Variants in MYOZ1 observed in about 807,000 individuals in gnomAD.
MYOZ1 encodes myozenin 1, also known as myozenin-1.
MYOZ1 carries 20 observed loss-of-function variants against 28.7 expected under a neutral mutation model. The observed-to-expected ratio is 0.70, with a 90% CI of 0.49 to 1.01. MYOZ1 has a LOEUF of 1.01. Among genes scored for constraint, MYOZ1 ranks in the 50% least tolerant of loss-of-function variants. The pLI, the probability that MYOZ1 is intolerant of heterozygous loss-of-function variation, is 0.00. For missense variants in MYOZ1, 371 were observed against 372.4 expected, an observed-to-expected ratio of 1.00 and a Z score of 0.03; for synonymous variants, 144 against 145.8, an observed-to-expected ratio of 0.99 and a Z score of 0.09.
chr10:73,640,152 T>A (rs2081695011), intron 1 of MYOZ1, 117 bp from the exon 2 acceptor site: 3 of 727,486 alleles, frequency 4.1e-6, no homozygotes, highest in Non-Finnish European at 4.4e-6. Flanking sequence ...CAAAAAAATT[T>A]TTTTTTCTTT....
At chr10:73,633,778 C>A in intron 5 of MYOZ1, 122 bp downstream of exon 5, 1 of 1,066,294 alleles carries the variant, frequency 9.4e-7, no homozygotes, top group Admixed American at 2.6e-5. Flanking sequence ...TTGATTAGGA[C>A]CCCCATATCC....
At position 73,631,917 on chromosome 10, in the gene MYOZ1, A is replaced by T; in HGVS notation, c.*13T>A. The T allele has an allele frequency of 6.2e-7, 1 of 1,608,762 alleles. No homozygotes were observed. Among genetic ancestry groups the T allele is most frequent in the Non-Finnish European group, 8.5e-7 (1 of 1,175,390 alleles). ...AGAGAGGGGAAATGATGCAAATCAGAGGAGGAAACACCTCACAGCTCCTCT... is the reference window on the plus strand; with the variant it reads ...AGAGAGGGGAAATGATGCAAATCAGTGGAGGAAACACCTCACAGCTCCTCT... On this transcript the variant is annotated 3_prime_UTR_variant, in exon 6 of 6. Coordinates refer to ENST00000359322, the MANE Select transcript of MYOZ1 (RefSeq NM_021245.4).
chr10:73,634,644 G>A lies in MYOZ1; in HGVS notation c.342C>T (p.Gly114=), dbSNP rs751483817. 50 of 1,614,198 alleles carry A rather than the reference G, an allele frequency of 3.1e-5. No homozygotes were observed. Among genetic ancestry groups the A allele is most frequent in the Non-Finnish European group, 3.8e-5 (45 of 1,180,034 alleles). ...GFSYSKSNGR[G]GSQAGGSGSA... ...AGCCACTGCCCCCTGCCTGGCTGCC[G>A]CCTCTGCCGTTGCTCTTGCTGTATG... is the stretch of plus-strand genomic sequence containing the variant. Residue 114 remains glycine (G), a synonymous_variant, in exon 4 of 6, where the codon GGC becomes GGT. Coordinates refer to ENST00000359322, the MANE Select transcript of MYOZ1 (RefSeq NM_021245.4).
chr10:73,641,109 C>A (rs978853384), intron 1 of MYOZ1, among the ~76,000 whole-genome samples: 1 of 152,200 alleles, frequency 6.6e-6, no homozygotes, highest in South Asian at 2.1e-4. Context: ...AGTTGGCACT[C>A]AGTGAAATGC....
chr10:73,634,569 A>T lies in MYOZ1; in HGVS notation c.417T>A (p.Ser139=). The change falls in exon 4 of 6, where the codon TCT becomes TCA. Residue 139 remains serine, a synonymous_variant. Coordinates refer to ENST00000359322, the MANE Select transcript of MYOZ1 (RefSeq NM_021245.4). Reference sequence around the variant, plus strand: ...CGGGACCACCTGTACCCCCAGCTCCAGACCCAGAGCCCAGATGGTGCTGCT... The same window carrying T: ...CGGGACCACCTGTACCCCCAGCTCCTGACCCAGAGCCCAGATGGTGCTGCT... ...SDQQHHLGSG[S]GAGGTGGPAG... is the part of the protein sequence containing the mutation. 1 of 1,614,106 alleles carries T rather than the reference A, an allele frequency of 6.2e-7. No homozygotes were observed. Among genetic ancestry groups the T allele is most frequent in the Non-Finnish European group, 8.5e-7 (1 of 1,180,004 alleles).
chr10:73,640,458 A>AGCAT (rs1215280607), intron 1 of MYOZ1, among the ~76,000 whole-genome samples: 1 of 152,182 alleles, frequency 6.6e-6, no homozygotes, highest in African/African-American at 2.4e-5. Flanking sequence ...TTTTCAAAGA[A>AGCAT]GCATGTATTT....
At chr10:73,640,104 G>C in intron 1 of MYOZ1, 69 bp from the exon 2 acceptor site, 1 of 1,336,968 alleles carries the variant, frequency 7.5e-7, no homozygotes. Context: ...CTGTAGGAGA[G>C]CAGCACTTCT....
Position 73,633,882 on chromosome 10 carries a change from CT to C in MYOZ1, c.668+17del. ...CCTCACACTAGAATGCATCTGGTTC[CT>C]TCCTCACCACCCCTACCTGTTGAAG... On this transcript the variant is annotated intron_variant, in intron 5 of 5. Coordinates refer to ENST00000359322, the MANE Select transcript of MYOZ1 (RefSeq NM_021245.4). 1 of 1,590,340 alleles carries C rather than the reference CT, an allele frequency of 6.3e-7. No individual in the cohort carries two copies. The highest frequency in any genetic ancestry group is 1.1e-5 in the South Asian group (1 of 88,086).
chr10:73,637,038 A>T (rs2081671704), intron 3 of MYOZ1, among the ~76,000 whole-genome samples: 1 of 119,274 alleles, frequency 8.4e-6, no homozygotes, highest in African/African-American at 3.4e-5. Context: ...TTTGAGACAG[A>T]GTTTCACTCT....
At chr10:73,641,238 GCCCCTCTCCTTCCAACTCTCCTT>G (rs2132410334) in intron 1 of MYOZ1, among the ~76,000 whole-genome samples, 150 bp downstream of exon 1, 1 of 151,668 alleles carries the variant, frequency 6.6e-6, no homozygotes, top group Non-Finnish European at 1.5e-5. Context: ...AACCTCCTGG[GCCCCTCTCCTTCCAACTCTCCTT>G]CCCCTCTCCT....
intron 3 of MYOZ1, among the ~76,000 whole-genome samples, chr10:73,636,527 G>A (rs1398423016): frequency 6.6e-6 from 1 of 151,404 alleles, no homozygotes; most frequent in Admixed American, 6.6e-5. Context: ...CATGGCTCAT[G>A]TTCATGCATC....
Position 73,634,017 on chromosome 10 carries a change from T to C in MYOZ1, c.551A>G (p.Tyr184Cys), listed in dbSNP as rs201443990. Reference protein sequence around the residue: ...EGKHITVFKTYISPWERAMGV... With the variant: ...EGKHITVFKTCISPWERAMGV... ...CATGGCTCGCTCCCATGGGGAAATA[T>C]AGGTCTTGAACACAGTGATATGTTT... The change falls in exon 5 of 6, where the codon TAT becomes TGT. Residue 184 changes from tyrosine (Y) to cysteine (C), a missense_variant. Transcript: ENST00000359322. 5.4e-5 allele frequency: 87 copies of C among 1,613,974 alleles called. No individual in the cohort carries two copies. Among genetic ancestry groups the C allele is most frequent in the Admixed American group, 2.2e-4 (13 of 59,990 alleles).
chr10:73,634,867 T>C (rs1231179502), intron 3 of MYOZ1, 134 bp from the exon 4 acceptor site: 1 of 993,692 alleles, frequency 1.0e-6, no homozygotes, highest in East Asian at 2.6e-5. Flanking sequence ...CCCCCTCCAG[T>C]TGATGGGTAG....
intron 5 of MYOZ1, among the ~76,000 whole-genome samples, chr10:73,632,488 G>A (rs1308769336): frequency 3.3e-5 from 5 of 152,100 alleles, no homozygotes; most frequent in South Asian, 2.1e-4. Context: ...GGCCAGGTGC[G>A]GTGCGGTGGC....
chr10:73,635,352 C>A (rs917331491), intron 3 of MYOZ1, among the ~76,000 whole-genome samples: 1 of 151,708 alleles, frequency 6.6e-6, no homozygotes, highest in Non-Finnish European at 1.5e-5. Context: ...ACCAACACGC[C>A]TGCCCAGCTT....
At chr10:73,633,825 A>C in intron 5 of MYOZ1, 75 bp downstream of exon 5, 1 of 1,463,844 alleles carries the variant, frequency 6.8e-7, no homozygotes, top group Non-Finnish European at 9.2e-7. Flanking sequence ...GAAACATTTG[A>C]ATTAGTCTCC....
intron 3 of MYOZ1, 39 bp from the exon 4 acceptor site, chr10:73,634,772 G>A: frequency 6.3e-7 from 1 of 1,595,128 alleles, no homozygotes; most frequent in South Asian, 1.1e-5. Context: ...TTAGCAATGG[G>A]TATGGAAAAT....
At chr10:73,632,997 A>T (rs185589818) in intron 5 of MYOZ1, among the ~76,000 whole-genome samples, 8 of 151,756 alleles carry the variant, frequency 5.3e-5, no homozygotes, top group Admixed American at 4.6e-4. Context: ...AGAGACTTAG[A>T]GCCATCTAAA....
chr10:73,635,969 A>G (rs547471422), intron 3 of MYOZ1, among the ~76,000 whole-genome samples: 13 of 152,230 alleles, frequency 8.5e-5, no homozygotes, highest in East Asian at 1.9e-4. Context: ...CCATCCCACC[A>G]TGTACACCCC....
Sources: gnomAD v4.1 joint callset for allele counts (sites outside exome capture counted in the v4.1 genomes callset) on GRCh38, gnomAD v4.1.1 for gene constraint, MANE v1.5 for transcripts, NCBI Gene and HGNC (gene_info 2026-07-23, HGNC 2026-07-21) for gene names.